KIF26B: variants seen among roughly 807,000 people sequenced by gnomAD.
KIF26B encodes kinesin-like protein KIF26B.
Under a neutral mutation model 151.2 loss-of-function variants are expected in KIF26B, and 63 were observed. The observed-to-expected ratio is 0.42, with a 90% CI of 0.34 to 0.51. The LOEUF (loss-of-function observed/expected upper bound fraction) is 0.51. Among genes scored for constraint, KIF26B ranks in the 20% least tolerant of loss-of-function variants. KIF26B has a pLI of 0.07. For missense variants in KIF26B, 2,813 were observed against 2,913.6 expected (o/e 0.97, Z 0.79); for synonymous variants, 1,357 against 1,262.1 (o/e 1.08, Z -1.59).
At chr1:245,181,112 G>T (rs184141751) in intron 2 of KIF26B, among the ~76,000 whole-genome samples, 1 of 152,124 alleles carries the variant, frequency 6.6e-6, no homozygotes, top group African/African-American at 2.4e-5. Flanking sequence ...TTAAAGTTTC[G>T]TGCCATTATC....
intron 4 of KIF26B, among the ~76,000 whole-genome samples, chr1:245,527,224 A>C (rs144136697): frequency 1.6e-4 from 24 of 152,346 alleles, no homozygotes; most frequent in African/African-American, 5.5e-4. Flanking sequence ...TTATCCCTTG[A>C]AGGAATCTTA....
chr1:245,207,694 G>T (rs895391955), intron 2 of KIF26B, among the ~76,000 whole-genome samples: 6 of 152,166 alleles, frequency 3.9e-5, no homozygotes, highest in Admixed American at 6.5e-5. Context: ...TACATTGAAG[G>T]CCTGAGGAAC....
At chr1:245,518,612 A>C (rs1299498493) in intron 4 of KIF26B, among the ~76,000 whole-genome samples, 2 of 152,228 alleles carry the variant, frequency 1.3e-5, no homozygotes, top group African/African-American at 4.8e-5. Context: ...GTAAACACTG[A>C]CTGCCAGCAT....
intron 2 of KIF26B, among the ~76,000 whole-genome samples, chr1:245,175,734 T>C (rs1367398297): frequency 6.6e-6 from 1 of 152,130 alleles, no homozygotes; most frequent in Non-Finnish European, 1.5e-5. Flanking sequence ...TTTATTGTAA[T>C]CATATTTACT....
At chr1:245,595,867 G>T (rs1277625610) in intron 5 of KIF26B, among the ~76,000 whole-genome samples, 1 of 152,068 alleles carries the variant, frequency 6.6e-6, no homozygotes, top group Non-Finnish European at 1.5e-5. Context: ...TCAGGGATTC[G>T]ACTTCTTCTT....
chr1:245,511,372 G>A (rs1309835867), intron 4 of KIF26B, among the ~76,000 whole-genome samples: 6 of 152,140 alleles, frequency 3.9e-5, no homozygotes, highest in Non-Finnish European at 8.8e-5. Flanking sequence ...AACATCCTCC[G>A]GAGGATGGGA....
intron 2 of KIF26B, among the ~76,000 whole-genome samples, chr1:245,317,919 C>T (rs915844568): frequency 3.3e-5 from 5 of 152,162 alleles, no homozygotes; most frequent in African/African-American, 9.7e-5. Context: ...CTTATCTTTC[C>T]GTCTTCAATG....
chr1:245,488,210 C>T lies in KIF26B; in HGVS notation c.1167-52557C>T, dbSNP rs1428526195. 6.6e-6 allele frequency among the ~76,000 whole-genome samples: 1 copy of T among 152,154 alleles called. No individual in the cohort carries two copies. Among genetic ancestry groups the T allele is most frequent in the Non-Finnish European group, 1.5e-5 (1 of 68,034 alleles). On this transcript the variant is annotated intron_variant, in intron 4 of 14. Transcript: ENST00000407071. The surrounding 1 kb of genome is among the most constrained non-coding windows in gnomAD (Gnocchi z 4.6). ...GCACTGAGATTACCAGCGTGAGCCA[C>T]CACACTGGCCAACCCAGACTTTCCA... is the stretch of plus-strand genomic sequence containing the variant.
intron 2 of KIF26B, among the ~76,000 whole-genome samples, chr1:245,235,738 G>A (rs1177136559): frequency 6.6e-6 from 1 of 152,058 alleles, no homozygotes; most frequent in African/African-American, 2.4e-5. Flanking sequence ...ACAGAAAACT[G>A]GAGTAAAGTC....
At chr1:245,681,359 G>C (rs1197848333) in intron 10 of KIF26B, among the ~76,000 whole-genome samples, 2 of 151,986 alleles carry the variant, frequency 1.3e-5, no homozygotes, top group Admixed American at 6.5e-5. Context: ...ACAGGTGCCC[G>C]CCACCACGCC....
chr1:245,203,246 C>CAAAAAAAAAAA (rs562600864), intron 2 of KIF26B, among the ~76,000 whole-genome samples: 5,997 of 29,154 alleles, frequency 0.21, 264 homozygotes, highest in Non-Finnish European at 0.26. Flanking sequence ...GACTCTGTCT[C>CAAAAAAAAAAA]AAAAAAAAAA....
intron 4 of KIF26B, among the ~76,000 whole-genome samples, chr1:245,528,578 A>G (rs909863129): frequency 4.6e-5 from 7 of 152,198 alleles, no homozygotes; most frequent in African/African-American, 1.7e-4. Context: ...ATATTCATGC[A>G]TGGGCAATGA....
At chr1:245,520,102 TACTC>T (rs1033133942) in intron 4 of KIF26B, among the ~76,000 whole-genome samples, 1 of 122,784 alleles carries the variant, frequency 8.1e-6, no homozygotes, top group African/African-American at 3.2e-5. Flanking sequence ...TAAAATTAAA[TACTC>T]AACTAACTGA....
chr1:245,224,582 A>G (rs776420973), intron 2 of KIF26B, among the ~76,000 whole-genome samples: 7 of 152,242 alleles, frequency 4.6e-5, no homozygotes, highest in Middle Eastern at 3.2e-3. Flanking sequence ...AGAATTTTTG[A>G]AAACTTGTAT....
intron 10 of KIF26B, among the ~76,000 whole-genome samples, chr1:245,655,249 G>A (rs889243643): frequency 6.6e-6 from 1 of 152,194 alleles, no homozygotes; most frequent in African/African-American, 2.4e-5. Flanking sequence ...GTCCACCTCA[G>A]AAACATATTG....
chr1:245,668,521 C>T (rs146379576), intron 10 of KIF26B, among the ~76,000 whole-genome samples: 1 of 152,236 alleles, frequency 6.6e-6, no homozygotes, highest in African/African-American at 2.4e-5. Context: ...TTCTGTGTAA[C>T]GTCTTTTCTC....
At position 245,669,789 on chromosome 1, in the gene KIF26B, T is replaced by C. The variant is rs535248824; in HGVS notation, c.2259-14444T>C. On this transcript the variant is annotated intron_variant, in intron 10 of 14. Coordinates refer to ENST00000407071, the MANE Select transcript of KIF26B (RefSeq NM_018012.4). ...TGGCAGTTCCTCCAAGAGTCGCATA[T>C]AGAATTGTCACATGGTCCAGCAATT... Among the ~76,000 whole-genome samples, 114 of 152,218 alleles carry C rather than the reference T, an allele frequency of 7.5e-4. 1 individual carries two copies. The highest frequency in any genetic ancestry group is 6.8e-3 in the Middle Eastern group (2 of 294).
At chr1:245,588,313 G>A (rs751529561) in intron 5 of KIF26B, among the ~76,000 whole-genome samples, 5 of 152,206 alleles carry the variant, frequency 3.3e-5, no homozygotes, top group South Asian at 4.1e-4. Flanking sequence ...ATGATCCTCC[G>A]TATTAGAACT....
chr1:245,600,886 G>A (rs982447638), intron 5 of KIF26B, among the ~76,000 whole-genome samples: 38 of 152,278 alleles, frequency 2.5e-4, no homozygotes, highest in African/African-American at 1.9e-4. Context: ...CTGTTTGTGG[G>A]AGGCAGCAGC....
Sources: allele counts gnomAD v4.1 joint callset (sites outside exome capture counted in the v4.1 genomes callset), GRCh38; gene constraint gnomAD v4.1.1; non-coding constraint Gnocchi (gnomAD v3.1); transcripts MANE v1.5; gene names NCBI Gene and HGNC (gene_info 2026-07-23, HGNC 2026-07-21).